Variants in MAPK4 observed in about 807,000 individuals in gnomAD.
MAPK4 encodes mitogen-activated protein kinase 4.
Under a neutral mutation model 47.7 loss-of-function variants are expected in MAPK4, and 22 were observed. The observed-to-expected ratio is 0.46, with a 90% CI of 0.33 to 0.66. The LOEUF is 0.66. Ranked by LOEUF, MAPK4 falls within the 30% of genes least tolerant of loss-of-function variation. The pLI, the probability that MAPK4 is intolerant of heterozygous loss-of-function variation, is 0.02. For missense variants in MAPK4, 736 were observed against 831.7 expected (o/e 0.88, Z 1.42); for synonymous variants, 390 against 365.7 (o/e 1.07, Z -0.76).
chr18:50,713,910 T>C (rs539141243), intron 2 of MAPK4, among the ~76,000 whole-genome samples: 1 of 152,184 alleles, frequency 6.6e-6, no homozygotes, highest in Non-Finnish European at 1.5e-5. Flanking sequence ...TTTGAGGCTC[T>C]ACTCGGAGGA....
Position 50,730,018 on chromosome 18 carries a change from T to A in MAPK4, c.*164T>A. 2 of 698,234 alleles carry A rather than the reference T, an allele frequency of 2.9e-6. No homozygotes were observed. Among genetic ancestry groups the A allele is most frequent in the Non-Finnish European group, 4.5e-6 (2 of 443,826 alleles). The allele number at this position is 698,234 out of a possible 1,614,324, so 43.3% of individuals were successfully genotyped here. A position where few individuals can be genotyped will look rare whatever the true frequency, so the allele number is the denominator to read the frequency against. The stretch of plus-strand genomic sequence containing the variant: ...GGAATGTCCATTTCTTAAACTGCCT[T>A]AATAACTAGCCTTTAACCTGTGGGA... On this transcript the variant is annotated 3_prime_UTR_variant, in exon 6 of 6. Transcript: ENST00000400384.
intron 1 of MAPK4, among the ~76,000 whole-genome samples, chr18:50,579,526 G>A (rs2042325414): frequency 6.6e-6 from 1 of 152,178 alleles, no homozygotes; most frequent in Non-Finnish European, 1.5e-5. Flanking sequence ...ATGAGTTTGG[G>A]GAGGAATTGT....
At position 50,729,165 on chromosome 18, in the gene MAPK4, G is replaced by C. The variant is rs751428718; in HGVS notation, c.1075G>C (p.Val359Leu). The C allele has an allele frequency of 5.7e-6, 9 of 1,577,274 alleles. No homozygotes were observed. The highest frequency in any genetic ancestry group is 7.8e-6 in the Non-Finnish European group (9 of 1,154,014). Residue 359 changes from valine to leucine, a missense_variant, in exon 6 of 6, where the codon GTG becomes CTG. By Grantham distance (32) the Val-to-Leu change is conservative. Around this residue, in one of 3 missense-constraint regions of MAPK4, gnomAD observed 377 missense variants for 378.6 expected, o/e 1.00. Coordinates refer to ENST00000400384, the MANE Select transcript of MAPK4 (RefSeq NM_002747.4). ...NWDTCSSRYP[V>L]SLSSDLEWRP... ...CTGTTTGTACCCTTGCAGGTACCCT[G>C]TGAGCCTGTCGTCGGACCTGGAGTG...
chr18:50,726,696 C>G (rs1274503385), intron 5 of MAPK4, among the ~76,000 whole-genome samples: 1 of 151,942 alleles, frequency 6.6e-6, no homozygotes, highest in African/African-American at 2.4e-5. Flanking sequence ...CCAGGAGTTC[C>G]AGACCAGCCT....
At chr18:50,576,470 A>C (rs1357288676) in intron 1 of MAPK4, among the ~76,000 whole-genome samples, 2 of 152,182 alleles carry the variant, frequency 1.3e-5, no homozygotes, top group Admixed American at 6.5e-5. Flanking sequence ...AACAACAGAC[A>C]CTGGGGCGTG....
chr18:50,609,407 G>A (rs1417774502), intron 1 of MAPK4, among the ~76,000 whole-genome samples: 17 of 151,622 alleles, frequency 1.1e-4, no homozygotes, highest in East Asian at 2.0e-4. Flanking sequence ...CCTCCCTCCC[G>A]GACGGGGCGG....
At chr18:50,646,464 G>A (rs536777716) in intron 1 of MAPK4, among the ~76,000 whole-genome samples, 44 of 152,274 alleles carry the variant, frequency 2.9e-4, no homozygotes, top group African/African-American at 7.2e-4. Context: ...TGGCCATCCC[G>A]AGTGAGGGAT....
intron 1 of MAPK4, among the ~76,000 whole-genome samples, chr18:50,581,404 G>C (rs2042343161): frequency 6.6e-6 from 1 of 152,120 alleles, no homozygotes; most frequent in South Asian, 2.1e-4. Flanking sequence ...TTCCATAGGG[G>C]CTTATCACAC....
intron 1 of MAPK4, among the ~76,000 whole-genome samples, chr18:50,655,924 G>C (rs2043105073): frequency 6.6e-6 from 1 of 152,144 alleles, no homozygotes; most frequent in Non-Finnish European, 1.5e-5. Context: ...TGTGTCCACT[G>C]ATATTTATTT....
rs140394445 is a variant in MAPK4 at position 50,637,668 on chromosome 18, G to A, written c.-870-25421G>A. ...TGCTGTGACAGAATACCACAGTCTGGGTGAGTTAACCAACAGACACGTATT... is the reference window on the plus strand; with the variant it reads ...TGCTGTGACAGAATACCACAGTCTGAGTGAGTTAACCAACAGACACGTATT... On this transcript the variant is annotated intron_variant, in intron 1 of 5. Transcript: ENST00000400384. Among the ~76,000 whole-genome samples the A allele has an allele frequency of 2.9e-3, 437 of 152,270 alleles. 6 individuals are homozygous for A. The East Asian group carries it at 0.043, about 15-fold the overall frequency.
chr18:50,666,281 G>C (rs1004500173), intron 2 of MAPK4, among the ~76,000 whole-genome samples: 3 of 152,160 alleles, frequency 2.0e-5, no homozygotes, highest in African/African-American at 4.8e-5. Context: ...CAGAGGTCTG[G>C]GTTCCTTCTA....
chr18:50,613,334 G>A (rs1404534796), intron 1 of MAPK4, among the ~76,000 whole-genome samples: 1 of 152,224 alleles, frequency 6.6e-6, no homozygotes, highest in Non-Finnish European at 1.5e-5. Flanking sequence ...GAAGCTGTGT[G>A]TGGCCTCTAA....
At chr18:50,700,297 G>A (rs1323982320) in intron 2 of MAPK4, among the ~76,000 whole-genome samples, 1 of 152,158 alleles carries the variant, frequency 6.6e-6, no homozygotes, top group African/African-American at 2.4e-5. Context: ...TCCAGGAACT[G>A]AGAATAAAGA....
In MAPK4 at chr18:50,664,181, G is replaced by A. The variant is rs752849769; in HGVS notation, c.223G>A (p.Asp75Asn). 11 of 1,613,956 alleles carry A rather than the reference G, an allele frequency of 6.8e-6. No homozygotes were observed. The highest frequency in any genetic ancestry group is 2.2e-5 in the East Asian group (1 of 44,894). ...CAAGATCATTCGGCGCCTGGACCACGACAACATCGTCAAAGTGTACGAGGT... is the reference window on the plus strand; with the variant it reads ...CAAGATCATTCGGCGCCTGGACCACAACAACATCGTCAAAGTGTACGAGGT... ...EIKIIRRLDH[D>N]NIVKVYEVLG... The change falls in exon 2 of 6, where the codon GAC becomes AAC. Residue 75 changes from aspartate to asparagine, a missense_variant. Physicochemically the swap from Asp to Asn is conservative, Grantham distance 23. Coordinates refer to ENST00000400384, the MANE Select transcript of MAPK4 (RefSeq NM_002747.4). This position sits in a 1 kb window ranked among gnomAD's most constrained non-coding sequence, Gnocchi z 6.0.
At chr18:50,603,091 A>G (rs1408236861) in intron 1 of MAPK4, among the ~76,000 whole-genome samples, 11 of 152,132 alleles carry the variant, frequency 7.2e-5, no homozygotes, top group Non-Finnish European at 1.5e-4. Context: ...CCCTCCACTA[A>G]TCTGGAGGTT....
At position 50,687,669 on chromosome 18, in the gene MAPK4, C is replaced by G. The variant is rs117220231; in HGVS notation, c.546+23165C>G. Among the ~76,000 whole-genome samples, 943 of 152,284 alleles carry G rather than the reference C, an allele frequency of 6.2e-3. 5 individuals carry two copies. The highest frequency in any genetic ancestry group is 0.011 in the Non-Finnish European group (745 of 68,038). On this transcript the variant is annotated intron_variant, in intron 2 of 5. Transcript: ENST00000400384. Reference sequence around the variant, plus strand: ...AGCACCCGGGTCTGAAGTGCCCACTCCCAGCGAGACTCTGCGGTGTGACCT... The same window carrying G: ...AGCACCCGGGTCTGAAGTGCCCACTGCCAGCGAGACTCTGCGGTGTGACCT...
At chr18:50,660,748 G>A (rs772506859) in intron 1 of MAPK4, among the ~76,000 whole-genome samples, 1 of 152,152 alleles carries the variant, frequency 6.6e-6, no homozygotes. Flanking sequence ...GGGTGGTGGG[G>A]AAGCAGGAGA....
intron 1 of MAPK4, among the ~76,000 whole-genome samples, chr18:50,592,425 C>T (rs950116901): frequency 6.6e-6 from 1 of 152,174 alleles, no homozygotes; most frequent in African/African-American, 2.4e-5. Context: ...GCCATTCCCC[C>T]TCGCTAGGAT....
At chr18:50,602,116 A>T (rs766136835) in intron 1 of MAPK4, among the ~76,000 whole-genome samples, 13 of 152,202 alleles carry the variant, frequency 8.5e-5, no homozygotes, top group Non-Finnish European at 1.8e-4. Flanking sequence ...TAGTTCCTAA[A>T]GGTATTCTAT....
Sources: allele counts gnomAD v4.1 joint callset (sites outside exome capture counted in the v4.1 genomes callset), GRCh38; gene constraint gnomAD v4.1.1; regional missense constraint gnomAD v4.1.1; non-coding constraint Gnocchi (gnomAD v3.1); transcripts MANE v1.5; gene names NCBI Gene and HGNC (gene_info 2026-07-23, HGNC 2026-07-21).